Variants in APTX observed in about 807,000 individuals in gnomAD.
APTX encodes aprataxin.
Under a neutral mutation model 42.3 loss-of-function variants are expected in APTX, and 33 were observed. The ratio of observed to expected loss-of-function variants is 0.78; its 90% CI spans 0.59 to 1.04. APTX has a LOEUF of 1.04. APTX is among the 50% of genes least tolerant of loss of function. The pLI is 0.00. For synonymous variants in APTX, 130 were observed against 146.7 expected (o/e 0.89, Z 0.82); for missense variants, 421 against 415.1 (o/e 1.01, Z -0.12).
intron 1 of APTX, chr9:33,020,096 T>C (rs1838255155): frequency 1.3e-5 from 5 of 383,376 alleles, no homozygotes; most frequent in Non-Finnish European, 2.3e-5. Flanking sequence ...TCCCCGCAGT[T>C]GGCGCCTCCG....
Position 32,981,186 on chromosome 9 carries a change from G to A in APTX, c.770+3445C>T, listed in dbSNP as rs145795830. 3.2e-3 allele frequency among the ~76,000 whole-genome samples: 486 copies of A among 152,266 alleles called. 4 individuals carry two copies. The highest frequency in any genetic ancestry group is 0.011 in the African/African-American group (455 of 41,562). ...GTTAGTAAATGTCCTTCTCACAGGG[G>A]TATGGGTTAGGAATCCTGTAACTAT... On this transcript the variant is annotated intron_variant, in intron 6 of 7. Coordinates refer to ENST00000379817, the MANE Select transcript of APTX (RefSeq NM_001195248.2).
At position 32,977,949 on chromosome 9, in the gene APTX, T is replaced by C. The variant is rs1806122993; in HGVS notation, c.771-3388A>G. Among the ~76,000 whole-genome samples the C allele has an allele frequency of 2.0e-5, 3 of 152,206 alleles. No individual in the cohort carries two copies. In the South Asian group the frequency reaches 6.2e-4, roughly 31 times the overall value. ...TCAAAAACAAGGACTAACCCAAGTGTGTTGCTTTAAAAATCTAATTTGTAG... is the reference window on the plus strand; with the variant it reads ...TCAAAAACAAGGACTAACCCAAGTGCGTTGCTTTAAAAATCTAATTTGTAG... On this transcript the variant is annotated intron_variant, in intron 6 of 7. Coordinates refer to ENST00000379817, the MANE Select transcript of APTX (RefSeq NM_001195248.2).
intron 1 of APTX, among the ~76,000 whole-genome samples, chr9:33,021,687 A>G (rs1838397071): frequency 6.6e-6 from 1 of 152,138 alleles, no homozygotes; most frequent in Non-Finnish European, 1.5e-5. Context: ...TGGGGGGCGG[A>G]TTTCACATTA....
At chr9:33,001,409 T>C (rs923743867) in intron 1 of APTX, 158 bp downstream of exon 1, 2 of 1,535,552 alleles carry the variant, frequency 1.3e-6, no homozygotes, top group African/African-American at 2.7e-5. Flanking sequence ...CAGCCCAAGG[T>C]AGTAACAGGG....
chr9:33,013,532 C>T (rs776130007), intron 1 of APTX, among the ~76,000 whole-genome samples: 9 of 152,198 alleles, frequency 5.9e-5, no homozygotes, highest in East Asian at 1.9e-4. Context: ...GAGAGCCAGG[C>T]GTGGTGGCTC....
chr9:33,000,992 C>T (rs980229591), intron 1 of APTX, among the ~76,000 whole-genome samples: 1 of 151,948 alleles, frequency 6.6e-6, no homozygotes, highest in East Asian at 1.9e-4. Context: ...GGATTACAGG[C>T]ATGCGCCACC....
In APTX at chr9:32,991,670, G is replaced by A. The variant is rs187650233; in HGVS notation, c.-4-1775C>T. On this transcript the variant is annotated intron_variant, in intron 1 of 7. Coordinates refer to ENST00000379817, the MANE Select transcript of APTX (RefSeq NM_001195248.2). The stretch of plus-strand genomic sequence containing the variant: ...GGTGGCAGGTGCCTCCCACCTACTC[G>A]GGAGGCTGAGGCAGGAAAATTGCTT... Among the ~76,000 whole-genome samples, 572 of 151,874 alleles carry A rather than the reference G, an allele frequency of 3.8e-3. 5 individuals carry two copies. Among genetic ancestry groups the A allele is most frequent in the Non-Finnish European group, 4.8e-3 (329 of 67,918 alleles).
chr9:33,009,514 CAT>C (rs1227911767), intron 1 of APTX, among the ~76,000 whole-genome samples: 1 of 152,190 alleles, frequency 6.6e-6, no homozygotes, highest in Non-Finnish European at 1.5e-5. Flanking sequence ...AAATATTTCA[CAT>C]GCCTGTAATC....
intron 1 of APTX, among the ~76,000 whole-genome samples, chr9:33,017,720 C>G (rs545887823): frequency 1.3e-5 from 2 of 152,242 alleles, no homozygotes; most frequent in African/African-American, 4.8e-5. Context: ...AGGCCCTCTC[C>G]GGGAGCTCAA....
intron 1 of APTX, 100 bp from the exon 2 acceptor site, chr9:32,989,995 T>G: frequency 1.4e-6 from 2 of 1,458,518 alleles, no homozygotes; most frequent in Non-Finnish European, 1.9e-6. Flanking sequence ...CTACCAGCTG[T>G]TCATCTTGAG....
chr9:33,018,220 C>T (rs956743125), intron 1 of APTX, among the ~76,000 whole-genome samples: 3 of 150,902 alleles, frequency 2.0e-5, no homozygotes, highest in Non-Finnish European at 4.4e-5. Flanking sequence ...AAGTGATTCT[C>T]CTGCCTCAGC....
At chr9:32,982,385 T>C (rs1830878282) in intron 6 of APTX, among the ~76,000 whole-genome samples, 1 of 152,108 alleles carries the variant, frequency 6.6e-6, no homozygotes, top group Non-Finnish European at 1.5e-5. Context: ...ATGGGTGAAA[T>C]TCAAATAAGG....
intron 1 of APTX, among the ~76,000 whole-genome samples, chr9:32,995,289 T>C (rs1397532608): frequency 4.6e-5 from 7 of 152,220 alleles, no homozygotes; most frequent in Non-Finnish European, 8.8e-5. Context: ...TAGATGCCCT[T>C]AAGAACATCT....
At chr9:32,982,103 C>G (rs1025992646) in intron 6 of APTX, among the ~76,000 whole-genome samples, 1 of 152,034 alleles carries the variant, frequency 6.6e-6, no homozygotes, top group African/African-American at 2.4e-5. Context: ...ATCATGCCCC[C>G]CCATATGACA....
chr9:33,010,302 G>A (rs572498619), intron 1 of APTX, among the ~76,000 whole-genome samples: 1 of 152,232 alleles, frequency 6.6e-6, no homozygotes, highest in South Asian at 2.1e-4. Flanking sequence ...CCTCCAGTCA[G>A]ATGAAACCAA....
chr9:32,992,533 T>C (rs1833881591), intron 1 of APTX, among the ~76,000 whole-genome samples: 1 of 152,102 alleles, frequency 6.6e-6, no homozygotes, highest in South Asian at 2.1e-4. Flanking sequence ...TGGCAAGCCA[T>C]AGGTCGGGGT....
At position 32,987,805 on chromosome 9, in the gene APTX, C is replaced by T. The variant is rs202181189; in HGVS notation, c.222G>A (p.Gly74=). Residue 74 remains glycine (G), a synonymous_variant, in exon 4 of 8, where the codon GGG becomes GGA. Transcript: ENST00000379817. ...NPTSIDSVVI[G]KDQEVKLQPG... ...GCTGCAGCTTCACCTCTTGGTCCTT[C>T]CCAATTACGACTGAGTCAATGCTGG... 1.2e-6 allele frequency: 2 copies of T among 1,613,844 alleles called. No homozygotes were observed. The highest frequency in any genetic ancestry group is 2.7e-5 in the African/African-American group (2 of 74,908).
chr9:33,013,533 G>A (rs555857794), intron 1 of APTX, among the ~76,000 whole-genome samples: 8 of 152,312 alleles, frequency 5.3e-5, no homozygotes, highest in Admixed American at 2.0e-4. Context: ...AGAGCCAGGC[G>A]TGGTGGCTCA....
intron 1 of APTX, among the ~76,000 whole-genome samples, chr9:33,011,004 G>T (rs1460858127): frequency 6.6e-6 from 1 of 151,992 alleles, no homozygotes. Flanking sequence ...TTAACAGAGC[G>T]TGGTGGTGCA....
Sources: allele counts gnomAD v4.1 joint callset (sites outside exome capture counted in the v4.1 genomes callset), GRCh38; gene constraint gnomAD v4.1.1; transcripts MANE v1.5; gene names NCBI Gene and HGNC (gene_info 2026-07-23, HGNC 2026-07-21).